Variants in DOCK10 observed in about 807,000 individuals in gnomAD.
DOCK10 encodes dedicator of cytokinesis protein 10.
In DOCK10, 145 loss-of-function variants were observed where a neutral mutation model predicts 280.1. The ratio of observed to expected loss-of-function variants is 0.52; its 90% confidence interval spans 0.45 to 0.59. DOCK10 has a LOEUF of 0.59. Ranked by LOEUF, DOCK10 falls within the 20% of genes least tolerant of loss-of-function variation. The pLI, the probability that DOCK10 is intolerant of heterozygous loss-of-function variation, is 0.00. For missense variants in DOCK10, 2,368 were observed against 2,651.7 expected, an observed-to-expected ratio of 0.89 and a Z score of 2.35; for synonymous variants, 915 against 942.2, an observed-to-expected ratio of 0.97 and a Z score of 0.53.
intron 1 of DOCK10, among the ~76,000 whole-genome samples, chr2:225,017,013 G>A (rs1258808939): frequency 1.3e-5 from 2 of 151,544 alleles, no homozygotes; most frequent in Admixed American, 1.3e-4. Context: ...ATGAGCCACT[G>A]CGCCCGGCCG....
rs369527878 is a variant in DOCK10 at position 224,893,493 on chromosome 2, G to A, written c.416+2802C>T. 141 of 234,848 alleles carry A rather than the reference G, an allele frequency of 6.0e-4. 3 individuals carry two copies. In the South Asian group the frequency reaches 7.3e-3, roughly 12 times the overall value. 14.5% of individuals were successfully genotyped at this position (234,848 alleles called of 1,614,324 possible). A position where few individuals can be genotyped will look rare whatever the true frequency, so the allele number is the denominator to read the frequency against. On this transcript the variant is annotated intron_variant, in intron 4 of 55. Transcript: ENST00000258390. ...GTCACACATCTCTGTATTTTACCCA[G>A]TGGATTAATGAAATCAGTGGCATCA...
At chr2:225,005,339 T>C (rs751414808) in intron 1 of DOCK10, among the ~76,000 whole-genome samples, 39 of 152,348 alleles carry the variant, frequency 2.6e-4, no homozygotes, top group Non-Finnish European at 4.6e-4. Context: ...ATTTCAATCA[T>C]TGGTGAATTC....
intron 1 of DOCK10, among the ~76,000 whole-genome samples, chr2:224,955,245 A>C (rs114036884): frequency 6.6e-6 from 1 of 152,108 alleles, no homozygotes; most frequent in South Asian, 2.1e-4. Context: ...TGGGGAGACT[A>C]AGGTCTTTCA....
At chr2:224,896,886 T>C (rs189753324) in intron 3 of DOCK10, among the ~76,000 whole-genome samples, 4 of 152,302 alleles carry the variant, frequency 2.6e-5, no homozygotes, top group Admixed American at 2.6e-4. Flanking sequence ...TCTAACCATT[T>C]CCATTCCATT....
At position 224,879,283 on chromosome 2, in the gene DOCK10, T is replaced by C. The variant is rs184935715; in HGVS notation, c.748-3062A>G. On this transcript the variant is annotated intron_variant, in intron 7 of 55. Transcript: ENST00000258390. ...CCCAGGAGGACTGGGGTAGATGTCC[T>C]CCACGTGTCCTCACACACAGCTCTG... is the stretch of plus-strand genomic sequence containing the variant. Among the ~76,000 whole-genome samples the C allele has an allele frequency of 2.6e-4, 40 of 152,254 alleles. No individual in the cohort carries two copies. The East Asian group carries it at 7.7e-3, about 29-fold the overall frequency.
At chr2:224,848,681 A>G (rs918399140) in intron 19 of DOCK10, among the ~76,000 whole-genome samples, 3 of 152,220 alleles carry the variant, frequency 2.0e-5, no homozygotes, top group Non-Finnish European at 4.4e-5. Context: ...GAGGCTTGGC[A>G]CACAGCAGGA....
At chr2:224,966,722 A>T (rs1315121864) in intron 1 of DOCK10, among the ~76,000 whole-genome samples, 2 of 152,358 alleles carry the variant, frequency 1.3e-5, no homozygotes, top group East Asian at 3.9e-4. Flanking sequence ...TAAGTGTGAC[A>T]AAGAGAGTAA....
chr2:224,935,180 A>G (rs16866370), intron 1 of DOCK10, among the ~76,000 whole-genome samples: 3,973 of 152,318 alleles, frequency 0.026, 160 homozygotes, highest in African/African-American at 0.09. Context: ...TCTTTGTAAT[A>G]GTCTGGGCTA....
At chr2:224,986,021 G>T (rs1705965197) in intron 1 of DOCK10, among the ~76,000 whole-genome samples, 1 of 152,198 alleles carries the variant, frequency 6.6e-6, no homozygotes, top group Non-Finnish European at 1.5e-5. Context: ...ACCTACGTCT[G>T]TTTTGACCGT....
rs146703740 is a variant in DOCK10, at chr2:224,850,592, G to A, written c.2143-993C>T. On this transcript the variant is annotated intron_variant, in intron 18 of 55. Transcript: ENST00000258390. ...TGTTTAAGACTGATTCCTTTAGAAT[G>A]GCTTCCTGAACAGGCCTTGATATGG... Among the ~76,000 whole-genome samples the A allele has an allele frequency of 6.0e-3, 919 of 152,222 alleles. 9 individuals are homozygous for A. The highest frequency in any genetic ancestry group is 0.019 in the African/African-American group (807 of 41,528).
chr2:224,962,576 T>G (rs984490673), intron 1 of DOCK10, among the ~76,000 whole-genome samples: 1 of 152,222 alleles, frequency 6.6e-6, no homozygotes, highest in African/African-American at 2.4e-5. Context: ...AAATTAAGTG[T>G]CAGATATTTA....
Position 224,864,772 on chromosome 2 carries a change from T to G in DOCK10, c.1479+94A>C, listed in dbSNP as rs960870098. Reference sequence around the variant, plus strand: ...TTAAAAAAGGACAGCTTTAAGGGAATTTTTATTCAGGAAATTGCTCATCTT... The same window carrying G: ...TTAAAAAAGGACAGCTTTAAGGGAAGTTTTATTCAGGAAATTGCTCATCTT... On this transcript the variant is annotated intron_variant, in intron 12 of 55. Coordinates refer to ENST00000258390, the MANE Select transcript of DOCK10 (RefSeq NM_014689.3). 148 of 1,584,880 alleles carry G rather than the reference T, an allele frequency of 9.3e-5. 1 individual carries two copies. In the African/African-American group the frequency reaches 1.8e-3, roughly 20 times the overall value.
chr2:224,836,846 G>T (rs1052702859), intron 25 of DOCK10, among the ~76,000 whole-genome samples: 1 of 151,944 alleles, frequency 6.6e-6, no homozygotes. Context: ...TGATCCGCCC[G>T]CCTCGGCCTC....
chr2:224,958,564 A>C (rs1575114862), intron 1 of DOCK10, among the ~76,000 whole-genome samples: 1 of 152,164 alleles, frequency 6.6e-6, no homozygotes, highest in African/African-American at 2.4e-5. Context: ...CCCTCTGTGC[A>C]CAACTACAAA....
chr2:224,797,538 A>T (rs538665604), intron 42 of DOCK10, among the ~76,000 whole-genome samples: 2 of 152,240 alleles, frequency 1.3e-5, no homozygotes, highest in East Asian at 3.9e-4. Flanking sequence ...CACCCCTTTA[A>T]GTTCAAGGGG....
intron 4 of DOCK10, 48 bp downstream of exon 4, chr2:224,896,247 T>A (rs1189363318): frequency 1.8e-6 from 2 of 1,103,154 alleles, no homozygotes; most frequent in African/African-American, 3.2e-5. Context: ...ACAGAGGATG[T>A]CATCTATATT....
chr2:225,009,601 C>T (rs930903558), intron 1 of DOCK10, among the ~76,000 whole-genome samples: 1 of 137,992 alleles, frequency 7.2e-6, no homozygotes, highest in African/African-American at 2.7e-5. Flanking sequence ...TGCAGAAATG[C>T]AGTTGAAGGG....
At chr2:224,802,406 C>T (rs1291001495) in intron 39 of DOCK10, among the ~76,000 whole-genome samples, 2 of 152,138 alleles carry the variant, frequency 1.3e-5, no homozygotes, top group Non-Finnish European at 2.9e-5. Flanking sequence ...CAATATTGTA[C>T]AGCTCAGATG....
intron 1 of DOCK10, among the ~76,000 whole-genome samples, chr2:225,009,049 A>C (rs1485969212): frequency 6.6e-6 from 1 of 152,236 alleles, no homozygotes; most frequent in Non-Finnish European, 1.5e-5. Context: ...TGTAATCTAA[A>C]GGACTTCAGC....
Sources: allele counts gnomAD v4.1 joint callset (sites outside exome capture counted in the v4.1 genomes callset), GRCh38; gene constraint gnomAD v4.1.1; transcripts MANE v1.5; gene names NCBI Gene and HGNC (gene_info 2026-07-23, HGNC 2026-07-21).